The following COQ6 variants were observed in gnomAD, a reference collection of about 807,000 sequenced individuals.
COQ6 encodes coenzyme Q6, monooxygenase.
Under a neutral mutation model 55.5 loss-of-function variants are expected in COQ6, and 45 were observed. That is an observed-to-expected ratio of 0.81 (90% CI 0.64 to 1.04). The LOEUF (loss-of-function observed/expected upper bound fraction) is 1.04. Ranked by LOEUF, COQ6 falls within the 50% of genes least tolerant of loss-of-function variation. The pLI is 0.00. For synonymous variants in COQ6, 206 were observed against 230.5 expected (o/e 0.89, Z 0.96); for missense variants, 550 against 601.3 (o/e 0.91, Z 0.89).
chr14:73,954,769 G>A (rs1474273821), intron 2 of COQ6, among the ~76,000 whole-genome samples: 3 of 148,846 alleles, frequency 2.0e-5, no homozygotes, highest in East Asian at 2.1e-4. Flanking sequence ...GGGTGAACCC[G>A]GGAGGCGGAG....
rs201434148 is a variant in COQ6 at position 73,961,778 on chromosome 14, C to T, written c.1252C>T (p.Arg418Cys). Reference sequence around the variant, plus strand: ...CACAGGTTATGAAACAGAAAGACAGCGTCACAACACTGCTCTTCTGGCTGC... The same window carrying T: ...CACAGGTTATGAAACAGAAAGACAGTGTCACAACACTGCTCTTCTGGCTGC... ...HLTGYETERQ[R>C]HNTALLAATD... The change falls in exon 11 of 12, where the codon CGT becomes TGT. Residue 418 changes from arginine (R) to cysteine (C), a missense_variant. Physicochemically the swap from Arg to Cys is radical, Grantham distance 180. Coordinates refer to ENST00000334571, the MANE Select transcript of COQ6 (RefSeq NM_182476.3). 228 of 1,614,024 alleles carry T rather than the reference C, an allele frequency of 1.4e-4. 1 individual carries two copies. The highest frequency in any genetic ancestry group is 1.8e-4 in the Non-Finnish European group (209 of 1,180,044).
Position 73,958,482 on chromosome 14 carries a change from G to C in COQ6, c.612+205G>C. The C allele has an allele frequency of 2.8e-6, 4 of 1,406,784 alleles. No homozygotes were observed. In the South Asian group the frequency reaches 4.2e-5, roughly 15 times the overall value. 87.1% of individuals were successfully genotyped at this position (1,406,784 alleles called of 1,614,324 possible). A position where few individuals can be genotyped will look rare whatever the true frequency, so the allele number is the denominator to read the frequency against. On this transcript the variant is annotated intron_variant, in intron 5 of 11. Transcript: ENST00000334571. ...GGGAGCAATCTCATGGGCCGTCTTA[G>C]GTTGTGAAATAACAGATAGCTGGGC... is the stretch of plus-strand genomic sequence containing the variant.
chr14:73,959,653 TC>T (rs1322005351), intron 8 of COQ6, 131 bp downstream of exon 8: 83 of 1,510,140 alleles, frequency 5.5e-5, no homozygotes, highest in Non-Finnish European at 7.0e-5. Context: ...CTGTGCAATC[TC>T]CGCCTCCCGG....
At position 73,953,583 on chromosome 14, in the gene COQ6, C is replaced by G. The variant is rs780249579; in HGVS notation, c.298+14C>G. On this transcript the variant is annotated intron_variant, in intron 2 of 11. Coordinates refer to ENST00000334571, the MANE Select transcript of COQ6 (RefSeq NM_182476.3). ...CGCTTCTCAGTAGTGAGTAGAAGAT[C>G]CTCCTTCAAAGATCCAATCTCCTTT... 2 of 1,614,138 alleles carry G rather than the reference C, an allele frequency of 1.2e-6. No homozygotes were observed. The highest frequency in any genetic ancestry group is 4.5e-5 in the East Asian group (2 of 44,876).
Position 73,961,213 on chromosome 14 carries a change from G to C in COQ6, c.932G>C (p.Gly311Ala), listed in dbSNP as rs754260614. The C allele has an allele frequency of 6.2e-7, 1 of 1,614,036 alleles. No individual in the cohort carries two copies. Among genetic ancestry groups the C allele is most frequent in the Non-Finnish European group, 8.5e-7 (1 of 1,180,004 alleles). ...CACACGGACTTCATCGACACAGCTG[G>C]TGCCATGCTGCAGTATGCTGTCAGC... is the stretch of plus-strand genomic sequence containing the variant. ...ADHTDFIDTA[G>A]AMLQYAVSLL... Residue 311 changes from glycine (G) to alanine (A), a missense_variant, in exon 9 of 12, where the codon GGT (glycine) becomes GCT (alanine). Transcript: ENST00000334571.
Position 73,961,323 on chromosome 14 carries a change from C to T in COQ6, c.1042C>T (p.Leu348Phe). The change falls in exon 9 of 12, where the codon CTT becomes TTT. Residue 348 changes from leucine to phenylalanine, a missense_variant. By Grantham distance (22) the Leu-to-Phe change is conservative. Coordinates refer to ENST00000334571, the MANE Select transcript of COQ6 (RefSeq NM_182476.3). ...VDAKSRVLFP[L>F]GLGHAAEYVR... ...TGCCAAAAGCCGAGTTCTGTTTCCT[C>T]TTGGGTTGGGACATGCTGCTGAGTA... 1.2e-6 allele frequency: 2 copies of T among 1,614,224 alleles called. No homozygotes were observed. Among genetic ancestry groups the T allele is most frequent in the South Asian group, 2.2e-5 (2 of 91,088 alleles).
chr14:73,956,013 T>C, intron 4 of COQ6, 85 bp downstream of exon 4: 1 of 1,583,094 alleles, frequency 6.3e-7, no homozygotes, highest in East Asian at 2.2e-5. Context: ...TTTACAATAT[T>C]CAGTGTCCAC....
chr14:73,961,560 G>A lies in COQ6; in HGVS notation c.1200G>A (p.Gly400=). The A allele has an allele frequency of 1.9e-6, 3 of 1,614,176 alleles. No individual in the cohort carries two copies. The South Asian group carries it at 3.3e-5, about 18-fold the overall frequency. The change falls in exon 10 of 12, where the codon GGG becomes GGA. Residue 400 remains glycine (G), a synonymous_variant. Transcript: ENST00000334571. ...AHHLSTAAFN[G]KDLGSVSHLT... ...ACCTCAGTACGGCAGCCTTCAATGG[G>A]AAGGACTTAGGTAAGGATTCAGATA...
intron 2 of COQ6, among the ~76,000 whole-genome samples, chr14:73,954,553 T>C (rs1231351371): frequency 1.3e-5 from 2 of 152,078 alleles, no homozygotes; most frequent in African/African-American, 2.4e-5. Flanking sequence ...AAGAACAATA[T>C]GGATTTGGGG....
chr14:73,962,783 C>T, intron 11 of COQ6, 187 bp from the exon 12 acceptor site: 1 of 618,502 alleles, frequency 1.6e-6, no homozygotes, highest in East Asian at 2.8e-5. Flanking sequence ...CACCACTGCA[C>T]TCCAGCCCAG....
chr14:73,949,968 C>T (rs780426997), upstream of COQ6: 2 of 1,613,642 alleles, frequency 1.2e-6, no homozygotes, highest in African/African-American at 1.3e-5. Flanking sequence ...CTTTTCTCTC[C>T]TCACCTGACG....
chr14:73,955,601 A>C, intron 3 of COQ6, 92 bp downstream of exon 3: 1 of 1,384,672 alleles, frequency 7.2e-7, no homozygotes, highest in Non-Finnish European at 1.0e-6. Context: ...TGAATGTAGG[A>C]GGAATCAGAC....
chr14:73,954,591 C>A (rs1211062461), intron 2 of COQ6, among the ~76,000 whole-genome samples: 1 of 152,144 alleles, frequency 6.6e-6, no homozygotes, highest in African/African-American at 2.4e-5. Flanking sequence ...CGCCTGTAAT[C>A]TCAGCACTTT....
At chr14:73,956,273 A>G in intron 4 of COQ6, 1 of 303,816 alleles carries the variant, frequency 3.3e-6, no homozygotes, top group East Asian at 7.7e-5. Context: ...GCTTGCAGTG[A>G]GCCGAGATCA....
intron 4 of COQ6, chr14:73,956,882 T>C (rs2056460633): frequency 6.6e-6 from 1 of 152,120 alleles, no homozygotes; most frequent in Non-Finnish European, 1.5e-5. Context: ...TAAAGATAAT[T>C]TGAATCTAAA....
upstream of COQ6, chr14:73,950,102 C>T (rs750630720): frequency 1.2e-6 from 2 of 1,603,510 alleles, no homozygotes; most frequent in East Asian, 2.2e-5. Context: ...TATGCGGGGC[C>T]AGGGTCCACC....
intron 8 of COQ6, chr14:73,959,896 A>G (rs2056631370): frequency 4.1e-6 from 5 of 1,209,638 alleles, no homozygotes; most frequent in Non-Finnish European, 5.2e-6. Context: ...GTCAGGAAAA[A>G]GGAGTAACCA....
chr14:73,959,121 C>T, intron 6 of COQ6, 41 bp from the exon 7 acceptor site: 1 of 1,614,132 alleles, frequency 6.2e-7, no homozygotes, highest in Non-Finnish European at 8.5e-7. Context: ...TTCATAGGCA[C>T]TAGGTACTTC....
upstream of COQ6, chr14:73,949,952 CA>C (rs974975152): frequency 5.6e-6 from 9 of 1,612,570 alleles, no homozygotes; most frequent in African/African-American, 1.2e-4. Context: ...TTCCCGGGGG[CA>C]GTCTCTTTTC....
Sources: gnomAD v4.1 joint callset for allele counts (sites outside exome capture counted in the v4.1 genomes callset) on GRCh38, gnomAD v4.1.1 for gene constraint, MANE v1.5 for transcripts, NCBI Gene and HGNC (gene_info 2026-07-23, HGNC 2026-07-21) for gene names.